The following LDB2 variants were observed in gnomAD, a reference collection of about 807,000 sequenced individuals.
LDB2 encodes LIM domain binding 2.
In LDB2, 12 loss-of-function variants were observed where a neutral mutation model predicts 44.3. The ratio of observed to expected loss-of-function variants is 0.27; its 90% CI spans 0.17 to 0.44. The LOEUF is 0.44. Ranked by LOEUF, LDB2 falls within the 20% of genes least tolerant of loss-of-function variation. The pLI is 1.00. For synonymous variants in LDB2, 164 were observed against 174.8 expected, an observed-to-expected ratio of 0.94 and a Z score of 0.49; for missense variants, 344 against 473.5, an observed-to-expected ratio of 0.73 and a Z score of 2.54.
At position 16,895,638 on chromosome 4, in the gene LDB2, G is replaced by A. The variant is rs150076423; in HGVS notation, c.132+2716C>T. Among the ~76,000 whole-genome samples, 19 of 152,172 alleles carry A rather than the reference G, an allele frequency of 1.2e-4. 1 individual carries two copies. The East Asian group carries it at 3.3e-3, about 26-fold the overall frequency. On this transcript the variant is annotated intron_variant, in intron 1 of 7. Coordinates refer to ENST00000304523, the MANE Select transcript of LDB2 (RefSeq NM_001290.5). Reference sequence around the variant, plus strand: ...ACCAGAAGAGAGAGAGGAAGAGAGAGATGGAAGAGGGATGGGTGAGTCAGT... The same window carrying A: ...ACCAGAAGAGAGAGAGGAAGAGAGAAATGGAAGAGGGATGGGTGAGTCAGT...
chr4:16,513,696 A>G (rs1231992106), intron 5 of LDB2, among the ~76,000 whole-genome samples: 1 of 152,058 alleles, frequency 6.6e-6, no homozygotes, highest in Non-Finnish European at 1.5e-5. Flanking sequence ...AAATCTGTAT[A>G]CCCCTGTTGG....
chr4:16,514,176 A>G (rs1722816387), intron 5 of LDB2, among the ~76,000 whole-genome samples: 2 of 152,206 alleles, frequency 1.3e-5, no homozygotes, highest in African/African-American at 4.8e-5. Flanking sequence ...ATAAAAATGA[A>G]TCATTTTTCC....
chr4:16,879,959 G>A (rs16894152), intron 1 of LDB2, among the ~76,000 whole-genome samples: 8,569 of 152,126 alleles, frequency 0.056, 775 homozygotes, highest in African/African-American at 0.19. Flanking sequence ...CTTTACACCT[G>A]CAGAAACTTT....
chr4:16,656,187 A>C (rs1032905524), intron 2 of LDB2, among the ~76,000 whole-genome samples: 15 of 152,204 alleles, frequency 9.9e-5, no homozygotes, highest in Admixed American at 7.9e-4. Flanking sequence ...GGCGTGAGCC[A>C]CCGCACCTGG....
At chr4:16,786,894 C>G (rs951091023) in intron 1 of LDB2, among the ~76,000 whole-genome samples, 11 of 152,130 alleles carry the variant, frequency 7.2e-5, no homozygotes, top group Non-Finnish European at 1.3e-4. Flanking sequence ...TTTTGTGAAC[C>G]CTACCACCGG....
At chr4:16,857,325 T>C (rs1789548315) in intron 1 of LDB2, among the ~76,000 whole-genome samples, 1 of 152,198 alleles carries the variant, frequency 6.6e-6, no homozygotes, top group Admixed American at 6.5e-5. Context: ...CCTCCACTTC[T>C]ACTACTCACA....
intron 2 of LDB2, among the ~76,000 whole-genome samples, chr4:16,621,908 T>G (rs1728994554): frequency 6.6e-6 from 1 of 152,182 alleles, no homozygotes; most frequent in Non-Finnish European, 1.5e-5. Flanking sequence ...TAGTGGGAAT[T>G]TTTCTTAGAT....
At chr4:16,685,391 G>GT (rs1358229251) in intron 2 of LDB2, among the ~76,000 whole-genome samples, 4 of 151,772 alleles carry the variant, frequency 2.6e-5, no homozygotes, top group Non-Finnish European at 4.4e-5. Context: ...GTTTTGTTTT[G>GT]TTTTTTGTTT....
At chr4:16,560,088 G>A (rs942062888) in intron 5 of LDB2, among the ~76,000 whole-genome samples, 3 of 152,136 alleles carry the variant, frequency 2.0e-5, no homozygotes, top group Admixed American at 6.5e-5. Flanking sequence ...GAAATTTATA[G>A]CACTAAATGC....
chr4:16,764,381 A>G (rs2109272056), intron 1 of LDB2, among the ~76,000 whole-genome samples: 1 of 152,238 alleles, frequency 6.6e-6, no homozygotes, highest in Non-Finnish European at 1.5e-5. Context: ...TAATAAAGAG[A>G]TTAGGAGTTT....
intron 5 of LDB2, among the ~76,000 whole-genome samples, chr4:16,550,025 T>C (rs1221353638): frequency 6.6e-6 from 1 of 152,200 alleles, no homozygotes; most frequent in Non-Finnish European, 1.5e-5. Context: ...TTGGTACCAA[T>C]TGAGTCTTCA....
intron 2 of LDB2, among the ~76,000 whole-genome samples, chr4:16,707,638 A>G (rs377738964): frequency 1.3e-5 from 2 of 151,844 alleles, no homozygotes; most frequent in East Asian, 1.9e-4. Flanking sequence ...AACTAAGTCA[A>G]TTCTGTGGGT....
intron 5 of LDB2, among the ~76,000 whole-genome samples, chr4:16,513,673 G>C (rs560311826): frequency 1.3e-5 from 2 of 152,264 alleles, no homozygotes; most frequent in East Asian, 3.9e-4. Flanking sequence ...ATTGGGTCTT[G>C]AGGTGGGGTT....
chr4:16,755,049 T>A (rs1029128101), intron 2 of LDB2, among the ~76,000 whole-genome samples: 7 of 152,124 alleles, frequency 4.6e-5, no homozygotes, highest in Non-Finnish European at 8.8e-5. Flanking sequence ...CCGAATGAGA[T>A]GTGAACCACG....
chr4:16,514,492 G>C (rs576660475), intron 5 of LDB2, among the ~76,000 whole-genome samples: 1 of 152,172 alleles, frequency 6.6e-6, no homozygotes, highest in African/African-American at 2.4e-5. Context: ...TCCACCAACT[G>C]TCTCATGTTC....
Position 16,585,660 on chromosome 4 carries a change from G to T in LDB2, c.615+262C>A, listed in dbSNP as rs560783357. 1.2e-4 allele frequency among the ~76,000 whole-genome samples: 19 copies of T among 152,124 alleles called. No individual in the cohort carries two copies. In the South Asian group the frequency reaches 3.3e-3, roughly 27 times the overall value. On this transcript the variant is annotated intron_variant, in intron 5 of 7. Transcript: ENST00000304523. ...AGCCACAAAGCATTTTGCAACAATG[G>T]GACATTGCTAGCCTTTGAATAATTA...
chr4:16,537,547 A>G (rs980429752), intron 5 of LDB2, among the ~76,000 whole-genome samples: 2 of 152,240 alleles, frequency 1.3e-5, no homozygotes. Flanking sequence ...GGAACTAGGT[A>G]CAGCACGATG....
rs371667246 is a variant in LDB2 at position 16,585,331 on chromosome 4, G to C, written c.615+591C>G. On this transcript the variant is annotated intron_variant, in intron 5 of 7. Transcript: ENST00000304523. ...ACCACAATGGCAGGGGTGTTAGGAT[G>C]GGCGGGTGGGGAGCACAGCTGATTC... 9.8e-5 allele frequency among the ~76,000 whole-genome samples: 15 copies of C among 152,290 alleles called. No homozygotes were observed. The South Asian group carries it at 2.1e-3, about 21-fold the overall frequency.
intron 2 of LDB2, among the ~76,000 whole-genome samples, chr4:16,702,187 C>T (rs1011141904): frequency 2.0e-5 from 3 of 152,214 alleles, no homozygotes; most frequent in African/African-American, 4.8e-5. Flanking sequence ...TGAAGGGCTG[C>T]TGGAAAGAGA....
Sources: allele counts gnomAD v4.1 joint callset (sites outside exome capture counted in the v4.1 genomes callset), GRCh38; gene constraint gnomAD v4.1.1; transcripts MANE v1.5; gene names NCBI Gene and HGNC (gene_info 2026-07-23, HGNC 2026-07-21).